DMD: variants seen among roughly 807,000 people sequenced by gnomAD.
The protein encoded by DMD is mutant dystrophin.
In DMD, 63 loss-of-function variants were observed where a neutral mutation model predicts 330.1. That is an observed-to-expected ratio of 0.19 (90% CI 0.16 to 0.24). The LOEUF (loss-of-function observed/expected upper bound fraction) is 0.24, where lower values mean the gene tolerates loss of function less well. Among genes scored for constraint, DMD ranks in the 10% least tolerant of loss-of-function variants. The pLI, the probability that DMD is intolerant of heterozygous loss-of-function variation, is 1.00. For synonymous variants in DMD, 1,223 were observed against 959.8 expected, an observed-to-expected ratio of 1.27 and a Z score of -5.07; for missense variants, 3,344 against 2,684.1, an observed-to-expected ratio of 1.25 and a Z score of -5.43.
chrX:32,141,573 T>A (rs760984520), intron 44 of DMD, among the ~76,000 whole-genome samples: 1 of 111,652 alleles, frequency 9.0e-6, no homozygotes, highest in South Asian at 3.8e-4. Flanking sequence ...TTTATTCTCC[T>A]TTGCTCTCTG....
At chrX:32,532,711 ATTTCTCAC>A (rs2047597994) in intron 17 of DMD, among the ~76,000 whole-genome samples, 1 of 112,439 alleles carries the variant, frequency 8.9e-6, no homozygotes, top group African/African-American at 3.2e-5. Context: ...GCCCTATGCC[ATTTCTCAC>A]TTTCTCACGT....
intron 61 of DMD, among the ~76,000 whole-genome samples, chrX:31,341,876 CGTGCGT>C (rs754615142): frequency 0.012 from 865 of 73,422 alleles, 9 homozygotes; most frequent in African/African-American, 0.049. Context: ...GGCGTGCGCG[CGTGCGT>C]GCGCGCGCGC....
chrX:31,901,302 C>G (rs1020534495), intron 47 of DMD, among the ~76,000 whole-genome samples: 1 of 111,603 alleles, frequency 9.0e-6, no homozygotes, highest in Non-Finnish European at 1.9e-5. Context: ...ACACAATCAC[C>G]TTGCTCTATT....
At chrX:32,269,129 C>T (rs2097355955) in intron 43 of DMD, among the ~76,000 whole-genome samples, 1 of 111,016 alleles carries the variant, frequency 9.0e-6, no homozygotes, top group Non-Finnish European at 1.9e-5. Context: ...GGCAAAATGT[C>T]ATAGTGTAAC....
intron 44 of DMD, among the ~76,000 whole-genome samples, chrX:32,021,205 A>G (rs1250681404): frequency 1.8e-5 from 2 of 112,242 alleles, no homozygotes; most frequent in Non-Finnish European, 3.8e-5. Flanking sequence ...TTATATACAT[A>G]CAATGAGTTG....
chrX:31,374,703 A>G (rs1239378824), intron 60 of DMD, among the ~76,000 whole-genome samples: 1 of 100,032 alleles, frequency 1.0e-5, no homozygotes, highest in East Asian at 3.4e-4. Context: ...GGATAGCATT[A>G]GGAGATATAC....
chrX:31,827,560 C>G (rs1489840968), intron 49 of DMD, among the ~76,000 whole-genome samples: 1 of 111,529 alleles, frequency 9.0e-6, no homozygotes, highest in Non-Finnish European at 1.9e-5. Flanking sequence ...TAAATTACAC[C>G]CTAGAACAAA....
intron 65 of DMD, among the ~76,000 whole-genome samples, chrX:31,208,600 C>T (rs1484839455): frequency 9.0e-6 from 1 of 111,299 alleles, no homozygotes; most frequent in Non-Finnish European, 1.9e-5. Flanking sequence ...AAAAGCAATA[C>T]CTTATCAAAA....
At chrX:31,690,796 G>A (rs1264760512) in intron 52 of DMD, among the ~76,000 whole-genome samples, 2 of 111,488 alleles carry the variant, frequency 1.8e-5, no homozygotes, top group African/African-American at 3.3e-5. Context: ...CCATAAAAAA[G>A]GATGAGTTCA....
intron 29 of DMD, among the ~76,000 whole-genome samples, chrX:32,426,667 A>G (rs1443852254): frequency 9.0e-6 from 1 of 111,655 alleles, no homozygotes; most frequent in African/African-American, 3.3e-5. Context: ...ACATATGTTC[A>G]TTGCAACACT....
intron 2 of DMD, among the ~76,000 whole-genome samples, chrX:32,978,495 G>C (rs1169019908): frequency 9.0e-6 from 1 of 111,164 alleles, no homozygotes; most frequent in Non-Finnish European, 1.9e-5. Context: ...TTTGAGACAG[G>C]GTCTCACTCT....
intron 19 of DMD, among the ~76,000 whole-genome samples, chrX:32,492,844 T>C (rs1440940794): frequency 1.8e-5 from 2 of 112,300 alleles, no homozygotes; most frequent in Non-Finnish European, 3.8e-5. Context: ...TATTTAAATG[T>C]TTTATGTTCC....
intron 2 of DMD, among the ~76,000 whole-genome samples, chrX:32,870,347 C>T (rs1346172989): frequency 2.7e-5 from 3 of 111,544 alleles, no homozygotes; most frequent in Non-Finnish European, 5.7e-5. Context: ...GTGAAAATGG[C>T]CATACTGTAT....
At chrX:32,190,559 T>TATATATATATATA (rs2096969991) in intron 44 of DMD, among the ~76,000 whole-genome samples, 2 of 80,249 alleles carry the variant, frequency 2.5e-5, no homozygotes, top group Admixed American at 1.4e-4. Context: ...TTTATATATA[T>TATATATATATATA]ATATATATAT....
In DMD at chrX:32,609,968, G is replaced by C. The variant is rs2057033844; in HGVS notation, c.1482+4335C>G. ...GTGCCAGGAGACAAAAGATTTCACT[G>C]TTAAATATTTTCCTTTTGAAAAAAA... On this transcript the variant is annotated intron_variant, in intron 12 of 78. Transcript: ENST00000357033. 1.8e-5 allele frequency among the ~76,000 whole-genome samples: 2 copies of C among 110,842 alleles called. 1 individual carries two copies. Among genetic ancestry groups the C allele is most frequent in the Admixed American group, 1.9e-4 (2 of 10,398 alleles).
chrX:32,574,095 A>T (rs1001619540), intron 13 of DMD, among the ~76,000 whole-genome samples: 7 of 112,053 alleles, frequency 6.2e-5, no homozygotes, highest in African/African-American at 2.3e-4. Context: ...TTATACCACT[A>T]TATAAAATGG....
At chrX:32,290,775 T>C (rs2097463853) in intron 42 of DMD, among the ~76,000 whole-genome samples, 1 of 111,694 alleles carries the variant, frequency 9.0e-6, no homozygotes, top group South Asian at 3.7e-4. Context: ...AAGTAGGTTT[T>C]ATTGTAGTAG....
intron 67 of DMD, among the ~76,000 whole-genome samples, chrX:31,195,834 C>T (rs770262683): frequency 5.9e-5 from 6 of 101,203 alleles, no homozygotes; most frequent in African/African-American, 2.2e-4. Flanking sequence ...GGAGGGAGGG[C>T]AGGAAGGAAG....
chrX:32,495,011 T>C (rs1019027967), intron 19 of DMD, among the ~76,000 whole-genome samples: 3 of 111,255 alleles, frequency 2.7e-5, no homozygotes, highest in African/African-American at 9.8e-5. Context: ...TATTTGGGAA[T>C]CCTGGAATAT....
Sources: gnomAD v4.1 joint callset for allele counts (sites outside exome capture counted in the v4.1 genomes callset) on GRCh38, gnomAD v4.1.1 for gene constraint, MANE v1.5 for transcripts, NCBI Gene and HGNC (gene_info 2026-07-23, HGNC 2026-07-21) for gene names.